MGAT4A: variants seen among roughly 807,000 people sequenced by gnomAD.
MGAT4A encodes N-acetylglucosaminyltransferase IVa.
MGAT4A carries 33 observed loss-of-function variants against 74.1 expected under a neutral mutation model. That is an observed-to-expected ratio of 0.45 (90% CI 0.34 to 0.60). MGAT4A has a LOEUF of 0.60. Ranked by LOEUF, MGAT4A falls within the 20% of genes least tolerant of loss-of-function variation. MGAT4A has a pLI of 0.02. For missense variants in MGAT4A, 479 were observed against 628.3 expected, an observed-to-expected ratio of 0.76 and a Z score of 2.54; for synonymous variants, 198 against 210.4, an observed-to-expected ratio of 0.94 and a Z score of 0.51.
chr2:98,636,127 G>A (rs186543063), intron 13 of MGAT4A, among the ~76,000 whole-genome samples: 1 of 151,874 alleles, frequency 6.6e-6, no homozygotes, highest in Non-Finnish European at 1.5e-5. Context: ...CGAGTAGCTG[G>A]GATTACAGGC....
At chr2:98,705,117 T>G (rs187850749) in intron 2 of MGAT4A, among the ~76,000 whole-genome samples, 1 of 152,338 alleles carries the variant, frequency 6.6e-6, no homozygotes, top group Admixed American at 6.5e-5. Flanking sequence ...AGCTTCTAGA[T>G]CTTAATCAGC....
At chr2:98,685,705 T>G (rs1702119651) in intron 2 of MGAT4A, among the ~76,000 whole-genome samples, 1 of 152,118 alleles carries the variant, frequency 6.6e-6, no homozygotes, top group Non-Finnish European at 1.5e-5. Context: ...ACCAAGTATC[T>G]CATTGTTTCC....
chr2:98,720,726 T>C (rs1702657518), intron 2 of MGAT4A, among the ~76,000 whole-genome samples: 1 of 151,852 alleles, frequency 6.6e-6, no homozygotes, highest in Admixed American at 6.6e-5. Context: ...TTAGCAAACT[T>C]GAAGGCAGGT....
At chr2:98,661,589 T>C (rs1701750816) in intron 5 of MGAT4A, among the ~76,000 whole-genome samples, 1 of 152,208 alleles carries the variant, frequency 6.6e-6, no homozygotes, top group Admixed American at 6.5e-5. Flanking sequence ...TAAGCCTAAA[T>C]TTGATACATA....
intron 2 of MGAT4A, among the ~76,000 whole-genome samples, chr2:98,710,382 CA>C (rs779291691): frequency 3.2e-4 from 49 of 152,006 alleles, no homozygotes; most frequent in Non-Finnish European, 6.6e-4. Context: ...CATTTGAAAA[CA>C]AAAAAAGTTA....
At chr2:98,726,737 C>T (rs1702770355) in intron 1 of MGAT4A, 170 bp from the exon 2 acceptor site, 2 of 173,422 alleles carry the variant, frequency 1.2e-5, no homozygotes, top group Non-Finnish European at 1.2e-5. Flanking sequence ...TATGGTCCTT[C>T]TCCTCCTGGA....
intron 2 of MGAT4A, among the ~76,000 whole-genome samples, chr2:98,720,562 C>T (rs1444933605): frequency 6.6e-6 from 1 of 152,188 alleles, no homozygotes; most frequent in Non-Finnish European, 1.5e-5. Flanking sequence ...ACCTCTCAGC[C>T]TCCATAATCA....
chr2:98,635,847 G>A (rs1701310282), intron 13 of MGAT4A, among the ~76,000 whole-genome samples: 1 of 151,578 alleles, frequency 6.6e-6, no homozygotes, highest in Non-Finnish European at 1.5e-5. Context: ...AATTAGCTGG[G>A]CATAGTGCCA....
rs1401201444 is a variant in MGAT4A, at chr2:98,726,526, C to T, written c.-194G>A. 2.2e-5 allele frequency: 10 copies of T among 461,384 alleles called. No individual in the cohort carries two copies. Among genetic ancestry groups the T allele is most frequent in the Non-Finnish European group, 3.8e-5 (10 of 260,078 alleles). The allele number at this position is 461,384 out of a possible 1,614,324, so 28.6% of individuals were successfully genotyped here. A position where few individuals can be genotyped will look rare whatever the true frequency, so the allele number is the denominator to read the frequency against. On this transcript the variant is annotated 5_prime_UTR_variant, in exon 2 of 16. Coordinates refer to ENST00000393487, the MANE Select transcript of MGAT4A (RefSeq NM_012214.3). ...TGTTCACAACTGTACTCGGGATCGT[C>T]TTTGCGGTCTTCACACGCTGATGCC... is the stretch of plus-strand genomic sequence containing the variant.
intron 8 of MGAT4A, among the ~76,000 whole-genome samples, chr2:98,646,232 A>T (rs1221648824): frequency 6.6e-6 from 1 of 151,716 alleles, no homozygotes; most frequent in Non-Finnish European, 1.5e-5. Flanking sequence ...AATAAAATAC[A>T]CTTTTTCTTG....
Position 98,678,478 on chromosome 2 carries a change from G to T in MGAT4A, c.95-7C>A. On this transcript the variant is annotated splice_polypyrimidine_tract_variant and splice_region_variant and intron_variant, in intron 2 of 15. Transcript: ENST00000393487. ...TGATAAGCAATCAGTTTTTCTAGAA[G>T]CAAAACCAAAACAGTTATAGTATAT... 1 of 1,556,674 alleles carries T rather than the reference G, an allele frequency of 6.4e-7. No individual in the cohort carries two copies. The highest frequency in any genetic ancestry group is 8.7e-7 in the Non-Finnish European group (1 of 1,143,082).
At chr2:98,643,188 A>T (rs1309257570) in intron 10 of MGAT4A, among the ~76,000 whole-genome samples, 1 of 152,222 alleles carries the variant, frequency 6.6e-6, no homozygotes, top group Non-Finnish European at 1.5e-5. Context: ...CTTTTTAAAA[A>T]AAAATCATTG....
At chr2:98,636,668 C>A in intron 12 of MGAT4A, 73 bp from the exon 13 acceptor site, 2 of 1,325,576 alleles carry the variant, frequency 1.5e-6, no homozygotes, top group Non-Finnish European at 2.2e-6. Flanking sequence ...AATGACCTTA[C>A]CTCAGAGTCA....
chr2:98,648,555 TAA>T (rs200362062), intron 8 of MGAT4A, among the ~76,000 whole-genome samples: 5 of 129,098 alleles, frequency 3.9e-5, no homozygotes, highest in Admixed American at 7.6e-5. Context: ...TTACAAAAAG[TAA>T]AAAAAAAAAA....
intron 4 of MGAT4A, among the ~76,000 whole-genome samples, chr2:98,669,576 G>C (rs1211241715): frequency 2.6e-5 from 4 of 152,146 alleles, no homozygotes; most frequent in Non-Finnish European, 5.9e-5. Context: ...CTATTTTAGA[G>C]TTAAAATTTA....
chr2:98,700,444 T>C (rs1446725802), intron 2 of MGAT4A, among the ~76,000 whole-genome samples: 1 of 151,086 alleles, frequency 6.6e-6, no homozygotes, highest in Non-Finnish European at 1.5e-5. Context: ...TATCTATCTA[T>C]AAGGTAGGTC....
chr2:98,637,974 A>G (rs190156751), intron 12 of MGAT4A, among the ~76,000 whole-genome samples: 3 of 152,338 alleles, frequency 2.0e-5, no homozygotes, highest in African/African-American at 7.2e-5. Context: ...TTATCTTGAT[A>G]TACTGTGTCA....
chr2:98,706,640 TAAA>T (rs879908885), intron 2 of MGAT4A, among the ~76,000 whole-genome samples: 1 of 140,082 alleles, frequency 7.1e-6, no homozygotes, highest in Admixed American at 7.2e-5. Context: ...GATGTGAATT[TAAA>T]AAAAAAAAAA....
At chr2:98,693,949 C>T (rs1393935442) in intron 2 of MGAT4A, among the ~76,000 whole-genome samples, 1 of 152,128 alleles carries the variant, frequency 6.6e-6, no homozygotes, top group African/African-American at 2.4e-5. Context: ...GAACAAACTA[C>T]AAAGAAAAAT....
Sources: gnomAD v4.1 joint callset for allele counts (sites outside exome capture counted in the v4.1 genomes callset) on GRCh38, gnomAD v4.1.1 for gene constraint, MANE v1.5 for transcripts, NCBI Gene and HGNC (gene_info 2026-07-23, HGNC 2026-07-21) for gene names.